The following NELL1 variants were observed in gnomAD, a reference collection of about 807,000 sequenced individuals.
The protein encoded by NELL1 is neural EGFL like 1.
NELL1 carries 76 observed loss-of-function variants against 107.4 expected under a neutral mutation model. The observed-to-expected ratio is 0.71, with a 90% CI of 0.59 to 0.86. The LOEUF (loss-of-function observed/expected upper bound fraction) is 0.86, where lower values mean the gene tolerates loss of function less well. Ranked by LOEUF, NELL1 falls within the 40% of genes least tolerant of loss-of-function variation. The pLI is 0.00. For missense variants in NELL1, 1,024 were observed against 1,005.5 expected (o/e 1.02, Z -0.25); for synonymous variants, 353 against 341.2 (o/e 1.03, Z -0.38).
intron 16 of NELL1, among the ~76,000 whole-genome samples, chr11:21,555,055 G>A (rs1247553829): frequency 6.6e-6 from 1 of 151,914 alleles, no homozygotes; most frequent in East Asian, 1.9e-4. Flanking sequence ...CAACTATAAA[G>A]TCAATACTTA....
At chr11:20,740,935 T>C (rs963538905) in intron 2 of NELL1, among the ~76,000 whole-genome samples, 14 of 152,078 alleles carry the variant, frequency 9.2e-5, no homozygotes, top group Admixed American at 2.0e-4. Flanking sequence ...TCTAATGTTT[T>C]ATTTTCTGTT....
intron 12 of NELL1, among the ~76,000 whole-genome samples, chr11:21,057,359 TGGATGGGAACTACTTTTTTTACCAGA>T (rs1362254264): frequency 6.6e-6 from 1 of 151,720 alleles, no homozygotes; most frequent in African/African-American, 2.4e-5. Flanking sequence ...TTTTGGGAAG[TGGATGGGAACTACTTTTTTTACCAGA>T]GAAATTTGTC....
intron 4 of NELL1, among the ~76,000 whole-genome samples, chr11:20,866,124 AAGG>A (rs2134081240): frequency 6.6e-6 from 1 of 152,320 alleles, no homozygotes; most frequent in African/African-American, 2.4e-5. Context: ...ACTGTGCACA[AAGG>A]AGGAGTTACC....
chr11:21,421,037 G>T (rs1852653597), intron 15 of NELL1, among the ~76,000 whole-genome samples: 1 of 152,224 alleles, frequency 6.6e-6, no homozygotes, highest in East Asian at 1.9e-4. Flanking sequence ...AATGTAGACA[G>T]AAGAAAATGC....
In NELL1 at chr11:21,483,990, C is replaced by CATATATATATATAT. The variant is rs781565679; in HGVS notation, c.1646-50355_1646-50342dup. 2.3e-3 allele frequency among the ~76,000 whole-genome samples: 207 copies of CATATATATATATAT among 88,362 alleles called. 2 individuals carry two copies. The highest frequency in any genetic ancestry group is 3.4e-3 in the Non-Finnish European group (158 of 45,982). The allele number at this position is 88,362 out of a possible 152,430, so 58.0% of individuals were successfully genotyped here. On this transcript the variant is annotated intron_variant, in intron 15 of 19. Coordinates refer to ENST00000357134, the MANE Select transcript of NELL1 (RefSeq NM_006157.5). ...TATTTGGGTATCCTATTTTACTTAA[C>CATATATATATATAT]ATATATATATATATATATATATATA...
intron 3 of NELL1, among the ~76,000 whole-genome samples, chr11:20,816,428 T>C (rs983714283): frequency 2.6e-5 from 4 of 152,164 alleles, no homozygotes; most frequent in Non-Finnish European, 5.9e-5. Context: ...GATTTAGTTC[T>C]TGATTTGGCT....
chr11:21,429,430 T>A (rs796220199), intron 15 of NELL1, among the ~76,000 whole-genome samples: 5 of 152,332 alleles, frequency 3.3e-5, no homozygotes, highest in African/African-American at 1.2e-4. Context: ...AGTTTGACTT[T>A]ATTAAAATCT....
chr11:21,044,558 C>T (rs1853312130), intron 12 of NELL1, among the ~76,000 whole-genome samples: 1 of 151,996 alleles, frequency 6.6e-6, no homozygotes, highest in Admixed American at 6.6e-5. Context: ...GATACCAGAG[C>T]ATGTATATAA....
intron 15 of NELL1, among the ~76,000 whole-genome samples, chr11:21,386,662 A>C (rs912482331): frequency 1.3e-5 from 2 of 151,898 alleles, no homozygotes; most frequent in Non-Finnish European, 2.9e-5. Flanking sequence ...GTTTCAGTAA[A>C]ATGATGCTAA....
intron 13 of NELL1, chr11:21,169,982 A>G (rs1369625337): frequency 3.7e-6 from 5 of 1,349,258 alleles, no homozygotes; most frequent in South Asian, 2.3e-5. Flanking sequence ...GGACAGTGCA[A>G]TGCGGGCTCC....
At chr11:20,923,959 T>TA (rs1405480353) in intron 7 of NELL1, among the ~76,000 whole-genome samples, 1 of 152,174 alleles carries the variant, frequency 6.6e-6, no homozygotes, top group African/African-American at 2.4e-5. Context: ...CCTCTGATGA[T>TA]AAAAAAGGCC....
At chr11:20,993,755 A>G (rs936642618) in intron 12 of NELL1, among the ~76,000 whole-genome samples, 1 of 152,156 alleles carries the variant, frequency 6.6e-6, no homozygotes, top group African/African-American at 2.4e-5. Flanking sequence ...TGACAAGAAA[A>G]ATGTCTGTAC....
chr11:20,678,961 G>T (rs1224007776), intron 2 of NELL1, among the ~76,000 whole-genome samples: 1 of 152,134 alleles, frequency 6.6e-6, no homozygotes, highest in Non-Finnish European at 1.5e-5. Flanking sequence ...AAGGGATGGG[G>T]TCTCACAGCA....
chr11:21,151,836 C>A (rs890748404), intron 13 of NELL1, among the ~76,000 whole-genome samples: 1 of 152,074 alleles, frequency 6.6e-6, no homozygotes, highest in African/African-American at 2.4e-5. Context: ...AATGAATAGC[C>A]CCAAGCATTC....
rs142725722 is a variant in NELL1, at chr11:20,725,567, A to G, written c.184+47507A>G. Among the ~76,000 whole-genome samples the G allele has an allele frequency of 4.1e-3, 619 of 152,340 alleles. 5 individuals carry two copies. The highest frequency in any genetic ancestry group is 0.014 in the African/African-American group (582 of 41,572). Reference sequence around the variant, plus strand: ...AAAATGCATGAATCTGGGGTTTTATATAAACATACTTACCTTTTAAGCCCC... The same window carrying G: ...AAAATGCATGAATCTGGGGTTTTATGTAAACATACTTACCTTTTAAGCCCC... On this transcript the variant is annotated intron_variant, in intron 2 of 19. Coordinates refer to ENST00000357134, the MANE Select transcript of NELL1 (RefSeq NM_006157.5).
chr11:20,931,599 GA>G (rs1256270276), intron 9 of NELL1, among the ~76,000 whole-genome samples: 3 of 152,044 alleles, frequency 2.0e-5, no homozygotes, highest in African/African-American at 7.2e-5. Context: ...AAAAGACAAA[GA>G]AAAAATTGTA....
intron 3 of NELL1, among the ~76,000 whole-genome samples, chr11:20,792,984 C>T (rs556950572): frequency 1.9e-4 from 29 of 151,862 alleles, no homozygotes; most frequent in Middle Eastern, 3.4e-3. Flanking sequence ...ATCTTTTCTA[C>T]AAGTGTTTCT....
intron 13 of NELL1, among the ~76,000 whole-genome samples, chr11:21,199,873 G>A (rs149840304): frequency 0.024 from 3,449 of 141,766 alleles, 50 homozygotes; most frequent in Middle Eastern, 0.037. Flanking sequence ...TTCAACTCCC[G>A]CTTATGAGTG....
At chr11:21,336,868 T>C (rs530417782) in intron 14 of NELL1, among the ~76,000 whole-genome samples, 2 of 152,052 alleles carry the variant, frequency 1.3e-5, no homozygotes, top group South Asian at 4.2e-4. Context: ...GAAATAAAAG[T>C]TATTCCCTTT....
Sources: allele counts gnomAD v4.1 joint callset (sites outside exome capture counted in the v4.1 genomes callset), GRCh38; gene constraint gnomAD v4.1.1; transcripts MANE v1.5; gene names NCBI Gene and HGNC (gene_info 2026-07-23, HGNC 2026-07-21).